SRD5A2: variants seen among roughly 807,000 people sequenced by gnomAD.
SRD5A2 encodes the protein steroid 5 alpha-reductase 2, also known as 3-oxo-5-alpha-steroid 4-dehydrogenase 2.
A neutral mutation model predicts 27.4 loss-of-function variants in SRD5A2; 30 were observed. The observed-to-expected ratio is 1.10, with a 90% CI of 0.82 to 1.49. The LOEUF (loss-of-function observed/expected upper bound fraction) is 1.49, where lower values mean the gene tolerates loss of function less well. SRD5A2 is among the 40% of genes most tolerant of loss of function. SRD5A2 has a pLI of 0.00. For synonymous variants in SRD5A2, 141 were observed against 133.6 expected (o/e 1.06, Z -0.38); for missense variants, 348 against 323.4 (o/e 1.08, Z -0.58).
the SRD5A2 span, among the ~76,000 whole-genome samples, chr2:31,639,994 G>T: frequency 5.3e-5 from 8 of 151,986 alleles, no homozygotes; most frequent in Non-Finnish European, 8.8e-5. Flanking sequence ...GTCTTTTAAT[G>T]TAATTTTTAA....
chr2:31,554,117 C>G (rs1299062449), intron 1 of SRD5A2, among the ~76,000 whole-genome samples: 1 of 152,088 alleles, frequency 6.6e-6, no homozygotes, highest in Non-Finnish European at 1.5e-5. Context: ...CAAGTGATAG[C>G]TAAAACCTAC....
At chr2:31,608,867 C>A in the SRD5A2 span, among the ~76,000 whole-genome samples, 1 of 151,920 alleles carries the variant, frequency 6.6e-6, no homozygotes, top group Non-Finnish European at 1.5e-5. Context: ...TTACGTTCTA[C>A]CAAAATTTAT....
At chr2:31,588,243 A>G in the SRD5A2 span, among the ~76,000 whole-genome samples, 1 of 152,226 alleles carries the variant, frequency 6.6e-6, no homozygotes, top group Non-Finnish European at 1.5e-5. Flanking sequence ...CTAGAGAAAC[A>G]TATCAATATT....
At chr2:31,549,124 ATTAT>A (rs1666328435) in intron 1 of SRD5A2, among the ~76,000 whole-genome samples, 1 of 139,050 alleles carries the variant, frequency 7.2e-6, no homozygotes, top group African/African-American at 2.7e-5. Flanking sequence ...TATTATTATT[ATTAT>A]TTAAGATGGA....
chr2:31,609,215 C>T, the SRD5A2 span, among the ~76,000 whole-genome samples: 1 of 152,042 alleles, frequency 6.6e-6, no homozygotes, highest in East Asian at 1.9e-4. Context: ...AACTAAGATA[C>T]TATTCAAACT....
chr2:31,641,526 C>T, the SRD5A2 span, among the ~76,000 whole-genome samples: 45,777 of 151,926 alleles, frequency 0.3, 7,103 homozygotes, highest in Non-Finnish European at 0.33. Flanking sequence ...AAGACATAAA[C>T]TTGTGACCAT....
chr2:31,629,481 G>A, the SRD5A2 span, among the ~76,000 whole-genome samples: 4 of 152,138 alleles, frequency 2.6e-5, no homozygotes, highest in African/African-American at 9.7e-5. Flanking sequence ...AAAACACTGG[G>A]CACCCATCAG....
chr2:31,541,809 G>A (rs763767232), intron 1 of SRD5A2, among the ~76,000 whole-genome samples: 39 of 152,264 alleles, frequency 2.6e-4, no homozygotes, highest in Non-Finnish European at 4.4e-4. Flanking sequence ...GCTCTGCATT[G>A]AACTCAATGC....
At position 31,580,778 on chromosome 2, in the gene SRD5A2, C is replaced by T; in HGVS notation, c.123G>A (p.Lys41=). The T allele has an allele frequency of 6.2e-7, 1 of 1,611,748 alleles. No homozygotes were observed. The highest frequency in any genetic ancestry group is 1.1e-5 in the South Asian group (1 of 91,064). ...SGYGKHTESL[K]PAATRLPARA... Reference sequence around the variant, plus strand: ...GGGCTGGCAGGCGGGTAGCCGCCGGCTTCAGGCTCTCCGTGTGCTTCCCGT... The same window carrying T: ...GGGCTGGCAGGCGGGTAGCCGCCGGTTTCAGGCTCTCCGTGTGCTTCCCGT... Residue 41 remains lysine, a synonymous_variant, in exon 1 of 5, where the codon AAG becomes AAA. Coordinates refer to ENST00000622030, the MANE Select transcript of SRD5A2 (RefSeq NM_000348.4).
At chr2:31,633,441 G>C in the SRD5A2 span, among the ~76,000 whole-genome samples, 1 of 152,116 alleles carries the variant, frequency 6.6e-6, no homozygotes, top group African/African-American at 2.4e-5. Context: ...TCCCTGCACT[G>C]CAGGCCATTT....
chr2:31,652,036 G>A, the SRD5A2 span, among the ~76,000 whole-genome samples: 1 of 152,150 alleles, frequency 6.6e-6, no homozygotes, highest in East Asian at 1.9e-4. Context: ...AGTGAGGACT[G>A]CAGCCTCCGC....
chr2:31,623,109 G>A, the SRD5A2 span, among the ~76,000 whole-genome samples: 4 of 151,850 alleles, frequency 2.6e-5, no homozygotes, highest in African/African-American at 7.3e-5. Context: ...CAAAGCTCTC[G>A]TCTCCTTTGC....
chr2:31,638,666 C>T, the SRD5A2 span, among the ~76,000 whole-genome samples: 1 of 151,768 alleles, frequency 6.6e-6, no homozygotes, highest in Non-Finnish European at 1.5e-5. Context: ...CGCTTTATAA[C>T]TGGATAGTGA....
the SRD5A2 span, among the ~76,000 whole-genome samples, chr2:31,611,575 C>G: frequency 7.9e-5 from 12 of 151,976 alleles, no homozygotes; most frequent in African/African-American, 2.2e-4. Flanking sequence ...TACAAAACAC[C>G]AATTAAGTAT....
intron 1 of SRD5A2, among the ~76,000 whole-genome samples, chr2:31,558,596 T>C (rs1300128088): frequency 6.6e-6 from 1 of 152,228 alleles, no homozygotes; most frequent in East Asian, 1.9e-4. Flanking sequence ...TCTCCTCTTA[T>C]GAGGACACTA....
At chr2:31,527,739 T>A (rs1665814454) in intron 4 of SRD5A2, 1 of 152,194 alleles carries the variant, frequency 6.6e-6, no homozygotes, top group African/African-American at 2.4e-5. Context: ...CTAGGAACCC[T>A]CTGCCACCCC....
In SRD5A2 at chr2:31,525,824, C is replaced by T. The variant is rs147184986; in HGVS notation, c.*372G>A. On this transcript the variant is annotated 3_prime_UTR_variant, in exon 5 of 5. Coordinates refer to ENST00000622030, the MANE Select transcript of SRD5A2 (RefSeq NM_000348.4). ...AGGTCTATAAGTACTGCCTTCAAGTCAAAAAATTCTTGATTACAGAGTTGT... is the reference window on the plus strand; with the variant it reads ...AGGTCTATAAGTACTGCCTTCAAGTTAAAAAATTCTTGATTACAGAGTTGT... The T allele has an allele frequency of 2.4e-3, 598 of 252,346 alleles. 4 individuals carry two copies. The highest frequency in any genetic ancestry group is 0.013 in the African/African-American group (580 of 46,006). 15.6% of individuals were successfully genotyped at this position (252,346 alleles called of 1,614,324 possible).
the SRD5A2 span, among the ~76,000 whole-genome samples, chr2:31,635,618 A>G: frequency 9.2e-5 from 14 of 152,074 alleles, no homozygotes; most frequent in Non-Finnish European, 2.1e-4. Context: ...TGTTATGCCA[A>G]AAAAATCTTT....
chr2:31,534,870 T>C (rs1665993273), intron 1 of SRD5A2, among the ~76,000 whole-genome samples: 1 of 152,010 alleles, frequency 6.6e-6, no homozygotes, highest in Middle Eastern at 3.2e-3. Flanking sequence ...TGAGTCACCA[T>C]TTTTTTTACC....
Sources: allele counts gnomAD v4.1 joint callset (sites outside exome capture counted in the v4.1 genomes callset), GRCh38; gene constraint gnomAD v4.1.1; transcripts MANE v1.5; gene names NCBI Gene and HGNC (gene_info 2026-07-23, HGNC 2026-07-21).